TNRC6B: variants seen among roughly 807,000 people sequenced by gnomAD.
The protein encoded by TNRC6B is trinucleotide repeat containing adaptor 6B.
Under a neutral mutation model 203.6 loss-of-function variants are expected in TNRC6B, and 52 were observed. That is an observed-to-expected ratio of 0.26 (90% confidence interval 0.20 to 0.32). The LOEUF (loss-of-function observed/expected upper bound fraction) is 0.32, where lower values mean the gene tolerates loss of function less well. Among genes scored for constraint, TNRC6B ranks in the 10% least tolerant of loss-of-function variants. The pLI is 1.00. For missense variants in TNRC6B, 1,923 were observed against 2,286.2 expected, an observed-to-expected ratio of 0.84 and a Z score of 3.24; for synonymous variants, 838 against 845.7, an observed-to-expected ratio of 0.99 and a Z score of 0.16.
chr22:40,298,189 T>C (rs1361118876), intron 12 of TNRC6B, among the ~76,000 whole-genome samples: 1 of 151,354 alleles, frequency 6.6e-6, no homozygotes, highest in African/African-American at 2.4e-5. Flanking sequence ...GCTACATGGG[T>C]TAAATATTAC....
At chr22:40,232,197 C>G (rs1183906529) in intron 1 of TNRC6B, among the ~76,000 whole-genome samples, 3 of 152,282 alleles carry the variant, frequency 2.0e-5, no homozygotes, top group Admixed American at 6.5e-5. Flanking sequence ...AGCAAATGAC[C>G]TCTTTAACAG....
At chr22:40,236,790 C>T (rs560194166) in intron 1 of TNRC6B, among the ~76,000 whole-genome samples, 1 of 152,316 alleles carries the variant, frequency 6.6e-6, no homozygotes, top group South Asian at 2.1e-4. Flanking sequence ...TCAGCCCTGC[C>T]TCTCCTGCAT....
rs117842240 is a variant in TNRC6B at position 40,057,629 on chromosome 22, A to T, written c.-121+12631A>T. On this transcript the variant is annotated intron_variant, in intron 1 of 23. Transcript: ENST00000301923. ...GTTTTGGCATGTCTTTATTTAAAAA[A>T]ATATATATACATATCTCGAGCCTCA... is the stretch of plus-strand genomic sequence containing the variant. 5.1e-3 allele frequency among the ~76,000 whole-genome samples: 775 copies of T among 152,234 alleles called. 13 individuals are homozygous for T. The highest frequency in any genetic ancestry group is 0.017 in the East Asian group (90 of 5,178).
chr22:40,294,355 T>A (rs1197704831), intron 12 of TNRC6B, among the ~76,000 whole-genome samples: 1 of 152,216 alleles, frequency 6.6e-6, no homozygotes, highest in Non-Finnish European at 1.5e-5. Flanking sequence ...TCCATCATCA[T>A]CCGATGTTCT....
intron 3 of TNRC6B, among the ~76,000 whole-genome samples, chr22:40,155,789 T>C (rs2146353056): frequency 6.6e-6 from 1 of 152,336 alleles, no homozygotes. Flanking sequence ...TAGAAACTGT[T>C]TATGTGTTCT....
At position 40,266,078 on chromosome 22, in the gene TNRC6B, G is replaced by A; in HGVS notation, c.1848G>A (p.Arg616=). 2 of 1,613,732 alleles carry A rather than the reference G, an allele frequency of 1.2e-6. No individual in the cohort carries two copies. The highest frequency in any genetic ancestry group is 1.7e-6 in the Non-Finnish European group (2 of 1,179,900). ...TGAGCCGAACTGATTTGGACCCCAGGGTGCTCTCAAACACTGGCTGGGGCC... is the reference window on the plus strand; with the variant it reads ...TGAGCCGAACTGATTTGGACCCCAGAGTGCTCTCAAACACTGGCTGGGGCC... The part of the protein sequence containing the change: ...TLLSRTDLDP[R]VLSNTGWGQT... The change falls in exon 5 of 23, where the codon AGG becomes AGA. Residue 616 remains arginine (R), a synonymous_variant. Transcript: ENST00000454349.
rs147597763 is a variant in TNRC6B at position 40,180,600 on chromosome 22, C to T, written c.5+2460C>T. On this transcript the variant is annotated intron_variant, in intron 1 of 22. Transcript: ENST00000454349. ...ATTTTGGATCTCAGATCCTGCAGAG[C>T]CAATCCTTCTGGCTCACCAACACGA... Among the ~76,000 whole-genome samples, 301 of 152,248 alleles carry T rather than the reference C, an allele frequency of 2.0e-3. 1 individual carries two copies. The highest frequency in any genetic ancestry group is 7.1e-3 in the African/African-American group (294 of 41,524).
At chr22:40,151,860 AGAAAG>A (rs1474442267) in intron 3 of TNRC6B, among the ~76,000 whole-genome samples, 1 of 102,954 alleles carries the variant, frequency 9.7e-6, no homozygotes, top group Non-Finnish European at 1.8e-5. Flanking sequence ...GAGAAAGAAA[AGAAAG>A]AAGAAAGAAA....
At chr22:40,287,886 G>C (rs576221350) in intron 12 of TNRC6B, among the ~76,000 whole-genome samples, 1 of 152,230 alleles carries the variant, frequency 6.6e-6, no homozygotes, top group Non-Finnish European at 1.5e-5. Flanking sequence ...GTTTAACAGA[G>C]TTTGGGTAAT....
intron 1 of TNRC6B, among the ~76,000 whole-genome samples, chr22:40,207,932 G>T (rs1216714136): frequency 6.6e-6 from 1 of 151,960 alleles, no homozygotes; most frequent in African/African-American, 2.4e-5. Context: ...CTAACACGGT[G>T]AAACCCCATC....
chr22:40,294,467 C>A (rs1339725964), intron 12 of TNRC6B, among the ~76,000 whole-genome samples: 1 of 152,188 alleles, frequency 6.6e-6, no homozygotes, highest in Non-Finnish European at 1.5e-5. Flanking sequence ...CACCCTAATT[C>A]AGTATGACTT....
intron 11 of TNRC6B, among the ~76,000 whole-genome samples, chr22:40,282,281 T>C (rs949071088): frequency 6.6e-5 from 10 of 152,260 alleles, no homozygotes; most frequent in East Asian, 5.8e-4. Context: ...AGGTCTCTTA[T>C]ATGCTTTCTA....
chr22:40,221,478 T>C (rs755098522), intron 1 of TNRC6B, among the ~76,000 whole-genome samples: 5 of 152,188 alleles, frequency 3.3e-5, no homozygotes, highest in Non-Finnish European at 5.9e-5. Flanking sequence ...CTTGCTTGGT[T>C]CTCCCGGCTG....
chr22:40,156,225 C>T (rs745580008), intron 4 of TNRC6B: 35 of 1,538,478 alleles, frequency 2.3e-5, no homozygotes, highest in Non-Finnish European at 2.6e-5. Context: ...TACAGATCCT[C>T]GGAAACACTT....
chr22:40,071,501 G>A (rs2067947492), intron 1 of TNRC6B, among the ~76,000 whole-genome samples: 1 of 152,164 alleles, frequency 6.6e-6, no homozygotes, highest in Admixed American at 6.5e-5. Flanking sequence ...ATACTTGTGT[G>A]TCATTTGGAC....
chr22:40,149,133 C>T (rs902786095), intron 3 of TNRC6B, among the ~76,000 whole-genome samples: 1 of 152,204 alleles, frequency 6.6e-6, no homozygotes. Context: ...CTCAAACACC[C>T]ATCAAATTGT....
rs755353766 is a variant in TNRC6B, at chr22:40,266,870, A to C, written c.2640A>C (p.Pro880=). 4 of 1,613,984 alleles carry C rather than the reference A, an allele frequency of 2.5e-6. No homozygotes were observed. The South Asian group carries it at 3.3e-5, about 13-fold the overall frequency. The change falls in exon 5 of 23, where the codon CCA becomes CCC. Residue 880 remains proline, a synonymous_variant. Coordinates refer to ENST00000454349, the MANE Select transcript of TNRC6B (RefSeq NM_001162501.2). Reference sequence around the variant, plus strand: ...CCAGTGGTTGGGAAGAGCCATCCCCACAGTCAATTAGTCGGAAAATGGACA... The same window carrying C: ...CCAGTGGTTGGGAAGAGCCATCCCCCCAGTCAATTAGTCGGAAAATGGACA... The part of the protein sequence containing the change: ...EEPSGWEEPS[P]QSISRKMDID...
At chr22:40,270,500 A>G (rs2070547060) in intron 6 of TNRC6B, among the ~76,000 whole-genome samples, 1 of 151,720 alleles carries the variant, frequency 6.6e-6, no homozygotes, top group South Asian at 2.1e-4. Flanking sequence ...TTGTATTTTT[A>G]TTAGAGATGG....
In TNRC6B at chr22:40,265,860, C is replaced by T; in HGVS notation, c.1630C>T (p.His544Tyr). ...STGAWDNQKG[H>Y]PLPENQGNAQ... Reference sequence around the variant, plus strand: ...TGGAGCATGGGACAATCAAAAGGGCCACCCCCTCCCTGAAAACCAAGGCAA... The same window carrying T: ...TGGAGCATGGGACAATCAAAAGGGCTACCCCCTCCCTGAAAACCAAGGCAA... Residue 544 changes from histidine to tyrosine, a missense_variant, in exon 5 of 23, where the codon CAC becomes TAC. His to Tyr is a moderately conservative substitution (Grantham distance 83, BLOSUM62 2). This residue lies in a region of TNRC6B where 614 missense variants were observed against 587.7 expected (regional missense o/e 1.04). Coordinates refer to ENST00000454349, the MANE Select transcript of TNRC6B (RefSeq NM_001162501.2). The T allele has an allele frequency of 6.2e-7, 1 of 1,614,002 alleles. No homozygotes were observed. Among genetic ancestry groups the T allele is most frequent in the Non-Finnish European group, 8.5e-7 (1 of 1,179,904 alleles).
Sources: allele counts gnomAD v4.1 joint callset (sites outside exome capture counted in the v4.1 genomes callset), GRCh38; gene constraint gnomAD v4.1.1; regional missense constraint gnomAD v4.1.1; transcripts MANE v1.5; gene names NCBI Gene and HGNC (gene_info 2026-07-23, HGNC 2026-07-21).